Variants in PPP1R21 observed in about 807,000 individuals in gnomAD.
The protein encoded by PPP1R21 is KLRAQ motif containing 1.
A neutral mutation model predicts 112.8 loss-of-function variants in PPP1R21; 85 were observed. That is an observed-to-expected ratio of 0.75 (90% CI 0.63 to 0.90). PPP1R21 has a LOEUF of 0.90. Ranked by LOEUF, PPP1R21 falls within the 40% of genes least tolerant of loss-of-function variation. The probability of loss-of-function intolerance (pLI) is 0.00; values close to 1 mark genes in which losing one functional copy is unlikely to be tolerated. For synonymous variants in PPP1R21, 381 were observed against 322.3 expected, an observed-to-expected ratio of 1.18 and a Z score of -1.95; for missense variants, 1,199 against 901.5, an observed-to-expected ratio of 1.33 and a Z score of -4.23.
intron 20 of PPP1R21, among the ~76,000 whole-genome samples, chr2:48,510,903 T>C (rs4953588): frequency 0.97 from 147,529 of 152,312 alleles, 71,647 homozygotes; most frequent in Middle Eastern, 1. Context: ...AAATTATGAA[T>C]CTACTTTGGA....
chr2:48,505,949 G>GCTTA (rs150932184), intron 18 of PPP1R21, among the ~76,000 whole-genome samples: 2,048 of 152,302 alleles, frequency 0.013, 19 homozygotes, highest in Middle Eastern at 0.048. Context: ...GGAAAGCAGG[G>GCTTA]CTTAGCAAGG....
intron 19 of PPP1R21, among the ~76,000 whole-genome samples, chr2:48,507,889 C>T (rs982970985): frequency 1.3e-5 from 2 of 150,176 alleles, no homozygotes; most frequent in Non-Finnish European, 3.0e-5. Context: ...CCCCAGCCTC[C>T]TGAGTAGCTG....
At chr2:48,481,830 C>A (rs1669026504) in intron 13 of PPP1R21, among the ~76,000 whole-genome samples, 2 of 152,200 alleles carry the variant, frequency 1.3e-5, no homozygotes, top group Admixed American at 6.5e-5. Context: ...TTTTCAAGTG[C>A]CATCATGACA....
intron 12 of PPP1R21, among the ~76,000 whole-genome samples, chr2:48,477,929 A>G (rs934440721): frequency 6.6e-6 from 1 of 152,190 alleles, no homozygotes; most frequent in African/African-American, 2.4e-5. Flanking sequence ...TCAAATTAAG[A>G]TGAGGTCATA....
chr2:48,474,852 A>G (rs1285698637), intron 12 of PPP1R21, 33 bp downstream of exon 12: 1 of 1,593,520 alleles, frequency 6.3e-7, no homozygotes, highest in Non-Finnish European at 8.6e-7. Flanking sequence ...GGTCAACTTC[A>G]AGGACTTAAG....
chr2:48,480,393 A>G (rs949273261), intron 13 of PPP1R21, among the ~76,000 whole-genome samples: 12 of 152,226 alleles, frequency 7.9e-5, no homozygotes, highest in Admixed American at 2.0e-4. Context: ...CAAGGCTTCA[A>G]GTCCCCAGAA....
chr2:48,477,163 C>T (rs1299451761), intron 12 of PPP1R21, among the ~76,000 whole-genome samples: 3 of 145,548 alleles, frequency 2.1e-5, no homozygotes, highest in Non-Finnish European at 4.5e-5. Context: ...ACTCTATCAC[C>T]CAGTCTGGAG....
At chr2:48,454,457 A>T in intron 2 of PPP1R21, 138 bp from the exon 3 acceptor site, 1 of 956,000 alleles carries the variant, frequency 1.0e-6, no homozygotes. Flanking sequence ...TTAAGAACTG[A>T]AGTGATACAC....
intron 1 of PPP1R21, among the ~76,000 whole-genome samples, chr2:48,445,867 A>C (rs1445694496): frequency 6.6e-6 from 1 of 152,196 alleles, no homozygotes; most frequent in Non-Finnish European, 1.5e-5. Flanking sequence ...AGAAAGAAAG[A>C]CTAAGTAGGA....
At chr2:48,508,844 C>T (rs746161380) in intron 19 of PPP1R21, among the ~76,000 whole-genome samples, 1 of 152,046 alleles carries the variant, frequency 6.6e-6, no homozygotes, top group Non-Finnish European at 1.5e-5. Context: ...GTTTGATTTC[C>T]AAGACATTTA....
At chr2:48,491,226 A>G in intron 15 of PPP1R21, 56 bp downstream of exon 15, 1 of 1,558,006 alleles carries the variant, frequency 6.4e-7, no homozygotes, top group Middle Eastern at 1.7e-4. Flanking sequence ...GTCATTCTAG[A>G]GAATGGCAAG....
chr2:48,497,873 G>A (rs1448602303), intron 16 of PPP1R21, among the ~76,000 whole-genome samples: 1 of 151,880 alleles, frequency 6.6e-6, no homozygotes, highest in Non-Finnish European at 1.5e-5. Context: ...GGATGGTCTC[G>A]ATCTCCTGAC....
chr2:48,469,433 T>TATATATATAGAGAGAGAGC (rs1668380235), intron 9 of PPP1R21, among the ~76,000 whole-genome samples: 1 of 71,790 alleles, frequency 1.4e-5, no homozygotes, highest in African/African-American at 4.7e-5. Flanking sequence ...ATATAGAGCA[T>TATATATATAGAGAGAGAGC]ATATATATAT....
intron 15 of PPP1R21, among the ~76,000 whole-genome samples, chr2:48,491,559 AGAG>A (rs1054362344): frequency 1.3e-3 from 12 of 9,172 alleles, no homozygotes; most frequent in Admixed American, 9.0e-3. Context: ...GAAAAAAAAA[AGAG>A]AGAAGATACT....
intron 19 of PPP1R21, among the ~76,000 whole-genome samples, chr2:48,507,782 T>TTTC (rs1670453593): frequency 7.7e-6 from 1 of 129,034 alleles, no homozygotes; most frequent in African/African-American, 3.0e-5. Flanking sequence ...TTTTTTTTTT[T>TTTC]TGAGGTGGAG....
chr2:48,457,759 C>CT (rs1667789728), intron 3 of PPP1R21, among the ~76,000 whole-genome samples: 1 of 152,144 alleles, frequency 6.6e-6, no homozygotes, highest in Admixed American at 6.5e-5. Context: ...TGCTATAACT[C>CT]TCATTTCCCA....
At chr2:48,464,574 T>C (rs1668117432) in intron 7 of PPP1R21, among the ~76,000 whole-genome samples, 2 of 152,210 alleles carry the variant, frequency 1.3e-5, no homozygotes, top group South Asian at 4.1e-4. Flanking sequence ...TTTTGCTGAT[T>C]AGCGTGGCGG....
intron 13 of PPP1R21, among the ~76,000 whole-genome samples, chr2:48,481,665 C>T (rs1669018085): frequency 6.6e-6 from 1 of 151,956 alleles, no homozygotes; most frequent in African/African-American, 2.4e-5. Context: ...TCACTTGAGC[C>T]CAAGAATTTG....
At position 48,464,932 on chromosome 2, in the gene PPP1R21, T is replaced by C. The variant is rs1196132533; in HGVS notation, c.695-5T>C. 1.3e-6 allele frequency: 2 copies of C among 1,562,306 alleles called. No homozygotes were observed. The highest frequency in any genetic ancestry group is 2.2e-5 in the Admixed American group (1 of 44,768). ...GACTTAATGTACATTATTTTTCTTC[T>C]GTAGAATATAGTCAGTACAACGCTC... On this transcript the variant is annotated splice_polypyrimidine_tract_variant and splice_region_variant and intron_variant, in intron 7 of 21. Transcript: ENST00000294952.
Sources: gnomAD v4.1 joint callset for allele counts (sites outside exome capture counted in the v4.1 genomes callset) on GRCh38, gnomAD v4.1.1 for gene constraint, MANE v1.5 for transcripts, NCBI Gene and HGNC (gene_info 2026-07-23, HGNC 2026-07-21) for gene names.